Variants in LHPP observed in about 807,000 individuals in gnomAD.
The protein encoded by LHPP is hLHPP.
A neutral mutation model predicts 30.3 loss-of-function variants in LHPP; 24 were observed. That is an observed-to-expected ratio of 0.79 (90% CI 0.57 to 1.11). The LOEUF is 1.11. LHPP is among the 50% of genes most tolerant of loss of function. The probability of loss-of-function intolerance (pLI) is 0.00; values close to 1 mark genes in which losing one functional copy is unlikely to be tolerated. For synonymous variants in LHPP, 150 were observed against 157.1 expected (o/e 0.95, Z 0.34); for missense variants, 356 against 367.2 (o/e 0.97, Z 0.25).
intron 6 of LHPP, among the ~76,000 whole-genome samples, chr10:124,545,614 A>G (rs537690030): frequency 1.4e-3 from 208 of 152,010 alleles, no homozygotes; most frequent in African/African-American, 4.8e-3. Flanking sequence ...GCCGAGCTCC[A>G]CGTGGGCATG....
chr10:124,596,077 G>C lies in LHPP; in HGVS notation c.717-17187G>C, dbSNP rs115355100. Among the ~76,000 whole-genome samples the C allele has an allele frequency of 6.6e-6, 1 of 152,160 alleles. No homozygotes were observed. Among genetic ancestry groups the C allele is most frequent in the African/African-American group, 2.4e-5 (1 of 41,428 alleles). ...GTTCATTTCATCCGTGTTGTTCTGT[G>C]CAGCCAGACTCCATCCTACGGCATC... On this transcript the variant is annotated intron_variant, in intron 6 of 6. Transcript: ENST00000368842. The surrounding 1 kb of genome is among the most constrained non-coding windows in gnomAD (Gnocchi z 4.6).
chr10:124,556,178 AC>A (rs1390452353), intron 6 of LHPP, among the ~76,000 whole-genome samples: 1 of 152,194 alleles, frequency 6.6e-6, no homozygotes, highest in Non-Finnish European at 1.5e-5. Context: ...CGACCAGCCC[AC>A]CATCCAGAGG....
intron 2 of LHPP, among the ~76,000 whole-genome samples, chr10:124,487,119 G>A (rs1227042183): frequency 6.6e-6 from 1 of 152,218 alleles, no homozygotes; most frequent in Non-Finnish European, 1.5e-5. Flanking sequence ...ACAGACCACA[G>A]TTTATCCATT....
At chr10:124,480,326 A>G (rs1316204225) in intron 1 of LHPP, among the ~76,000 whole-genome samples, 2 of 152,206 alleles carry the variant, frequency 1.3e-5, no homozygotes, top group African/African-American at 4.8e-5. Context: ...ACTTGATATT[A>G]TAAGAGCATA....
chr10:124,598,509 C>T (rs1266255736), intron 6 of LHPP, among the ~76,000 whole-genome samples: 1 of 152,192 alleles, frequency 6.6e-6, no homozygotes. Flanking sequence ...GGTGCTTGGG[C>T]ATCGGACCTG....
intron 6 of LHPP, among the ~76,000 whole-genome samples, chr10:124,577,269 A>C (rs1948676112): frequency 6.6e-6 from 1 of 152,164 alleles, no homozygotes; most frequent in South Asian, 2.1e-4. Flanking sequence ...AGCCAACCCA[A>C]GACTAGACCA....
intron 1 of LHPP, among the ~76,000 whole-genome samples, chr10:124,467,710 T>TTTTG (rs1554876637): frequency 6.7e-6 from 1 of 148,930 alleles, no homozygotes; most frequent in African/African-American, 2.5e-5. Context: ...GTGTGTGTTT[T>TTTTG]TTGTTGTTGT....
intron 1 of LHPP, among the ~76,000 whole-genome samples, chr10:124,467,710 TTTG>T (rs10691946): frequency 1.7e-3 from 258 of 149,046 alleles, no homozygotes; most frequent in African/African-American, 6.0e-3. Flanking sequence ...GTGTGTGTTT[TTTG>T]TTGTTGTTGT....
rs1479184291 is a variant in LHPP, at chr10:124,496,278, G to A, written c.468-683G>A. Among the ~76,000 whole-genome samples the A allele has an allele frequency of 3.9e-5, 6 of 152,184 alleles. 1 individual carries two copies. Among genetic ancestry groups the A allele is most frequent in the Admixed American group, 6.5e-5 (1 of 15,276 alleles). ...TGAGTGCCTTGAGGCTCAGTGTGAC[G>A]CGATCGTAGGGTGAGCCTGGCCGGG... On this transcript the variant is annotated intron_variant, in intron 3 of 6. Transcript: ENST00000368842. The surrounding 1 kb of genome is among the most constrained non-coding windows in gnomAD (Gnocchi z 4.3).
At chr10:124,462,018 G>A in intron 1 of LHPP, 31 bp downstream of exon 1, 1 of 1,200,444 alleles carries the variant, frequency 8.3e-7, no homozygotes, top group Non-Finnish European at 1.0e-6. Context: ...CGCTGGGGCC[G>A]CCGAGCTCTA....
At chr10:124,505,805 T>C (rs548480806) in intron 5 of LHPP, among the ~76,000 whole-genome samples, 1 of 152,246 alleles carries the variant, frequency 6.6e-6, no homozygotes, top group South Asian at 2.1e-4. Context: ...TTAGTGGAGA[T>C]TGAGACTGTT....
At chr10:124,507,846 G>T (rs1336287776) in intron 5 of LHPP, among the ~76,000 whole-genome samples, 2 of 89,198 alleles carry the variant, frequency 2.2e-5, no homozygotes, top group Admixed American at 1.1e-4. Context: ...GATTTCAGGT[G>T]GGGGGGTAGG....
rs528617361 is a variant in LHPP, at chr10:124,497,826, G to A, written c.532-210G>A. On this transcript the variant is annotated intron_variant, in intron 4 of 6. Coordinates refer to ENST00000368842, the MANE Select transcript of LHPP (RefSeq NM_022126.4). Reference sequence around the variant, plus strand: ...GGTAGGCCTTTGAGTGGATGGCAGGGTGCCTGGTGCTAGGGGACCTGAGTG... The same window carrying A: ...GGTAGGCCTTTGAGTGGATGGCAGGATGCCTGGTGCTAGGGGACCTGAGTG... Among the ~76,000 whole-genome samples the A allele has an allele frequency of 1.9e-3, 283 of 152,282 alleles. 3 individuals are homozygous for A. Among genetic ancestry groups the A allele is most frequent in the African/African-American group, 6.5e-3 (272 of 41,570 alleles).
At chr10:124,516,622 G>A (rs1221025548) in intron 5 of LHPP, among the ~76,000 whole-genome samples, 1 of 152,126 alleles carries the variant, frequency 6.6e-6, no homozygotes, top group Non-Finnish European at 1.5e-5. Context: ...TTTCAGGTGA[G>A]AGAGTTTATC....
intron 6 of LHPP, among the ~76,000 whole-genome samples, chr10:124,528,953 C>T (rs562323131): frequency 2.6e-5 from 4 of 151,966 alleles, no homozygotes; most frequent in Non-Finnish European, 5.9e-5. Context: ...CACCACATAA[C>T]ACTTTTGTAA....
intron 1 of LHPP, among the ~76,000 whole-genome samples, chr10:124,470,302 C>T (rs551521306): frequency 9.9e-5 from 15 of 152,246 alleles, no homozygotes; most frequent in Admixed American, 2.0e-4. Flanking sequence ...AGCCCAGGCC[C>T]GGCTCGGCGT....
At chr10:124,597,764 G>C (rs747244961) in intron 6 of LHPP, among the ~76,000 whole-genome samples, 2 of 152,202 alleles carry the variant, frequency 1.3e-5, no homozygotes, top group Non-Finnish European at 2.9e-5. Context: ...GCCCCTGGGT[G>C]GGGGGTGCAT....
chr10:124,548,429 A>AT (rs1203881651), intron 6 of LHPP, among the ~76,000 whole-genome samples: 2 of 151,904 alleles, frequency 1.3e-5, no homozygotes, highest in Non-Finnish European at 2.9e-5. Context: ...CAAGTTCCCA[A>AT]TTTTGCTCTA....
At chr10:124,584,377 A>AG (rs1564841786) in intron 6 of LHPP, among the ~76,000 whole-genome samples, 2 of 151,934 alleles carry the variant, frequency 1.3e-5, no homozygotes, top group African/African-American at 2.4e-5. Context: ...AAAAAAAAAA[A>AG]AAAGAAAAAG....
Sources: allele counts gnomAD v4.1 joint callset (sites outside exome capture counted in the v4.1 genomes callset), GRCh38; gene constraint gnomAD v4.1.1; non-coding constraint Gnocchi (gnomAD v3.1); transcripts MANE v1.5; gene names NCBI Gene and HGNC (gene_info 2026-07-23, HGNC 2026-07-21).